The following ACOT7 variants were observed in gnomAD, a reference collection of about 807,000 sequenced individuals.
The protein encoded by ACOT7 is acyl-CoA thioesterase 7, also known as cytosolic acyl coenzyme A thioester hydrolase.
In ACOT7, 12 loss-of-function variants were observed where a neutral mutation model predicts 40.2. That is an observed-to-expected ratio of 0.30 (90% CI 0.19 to 0.48). The LOEUF (loss-of-function observed/expected upper bound fraction) is 0.48, where lower values mean the gene tolerates loss of function less well. ACOT7 is among the 20% of genes least tolerant of loss of function. The probability of loss-of-function intolerance (pLI) is 0.99; values close to 1 mark genes in which losing one functional copy is unlikely to be tolerated. For missense variants in ACOT7, 395 were observed against 530.8 expected, an observed-to-expected ratio of 0.74 and a Z score of 2.51; for synonymous variants, 228 against 219.5, an observed-to-expected ratio of 1.04 and a Z score of -0.34.
chr1:6,375,806 C>T (rs1160029433), intron 1 of ACOT7, among the ~76,000 whole-genome samples: 1 of 151,900 alleles, frequency 6.6e-6, no homozygotes, highest in Non-Finnish European at 1.5e-5. Context: ...GGCGTGGTGG[C>T]GGGCACCTGT....
chr1:6,366,068 G>C (rs55749476), intron 1 of ACOT7, among the ~76,000 whole-genome samples: 1 of 151,656 alleles, frequency 6.6e-6, no homozygotes, highest in Non-Finnish European at 1.5e-5. Context: ...CTAATTTTTT[G>C]TATTTTTAGT....
At chr1:6,283,429 TG>T (rs1352059278) in intron 7 of ACOT7, among the ~76,000 whole-genome samples, 2 of 152,160 alleles carry the variant, frequency 1.3e-5, no homozygotes, top group African/African-American at 4.8e-5. Flanking sequence ...CCCAAATTGC[TG>T]GGATTATAAT....
chr1:6,362,615 C>A (rs1176275083), intron 1 of ACOT7, among the ~76,000 whole-genome samples: 1 of 152,134 alleles, frequency 6.6e-6, no homozygotes, highest in East Asian at 1.9e-4. Flanking sequence ...AAGGAGAACT[C>A]CGCAACGACA....
At position 6,333,190 on chromosome 1, in the gene ACOT7, G is replaced by A. The variant is rs74804516; in HGVS notation, c.510+287C>T. ...ATGTCCACGGGTTCTGGGCCAGCTT[G>A]CGCTCACATTCCCAGCATGAATTAA... On this transcript the variant is annotated intron_variant, in intron 4 of 8. Coordinates refer to ENST00000361521, the MANE Select transcript of ACOT7 (RefSeq NM_007274.4). Among the ~76,000 whole-genome samples, 8,295 of 152,358 alleles carry A rather than the reference G, an allele frequency of 0.054. 268 individuals are homozygous for A. The highest frequency in any genetic ancestry group is 0.084 in the African/African-American group (3,481 of 41,574).
chr1:6,354,871 T>C (rs978181455), intron 1 of ACOT7, among the ~76,000 whole-genome samples: 2 of 147,604 alleles, frequency 1.4e-5, no homozygotes, highest in South Asian at 2.2e-4. Context: ...TCACCCCCCA[T>C]GGCCTCTGCA....
intron 8 of ACOT7, among the ~76,000 whole-genome samples, chr1:6,277,159 G>A (rs1249364273): frequency 6.6e-6 from 1 of 152,238 alleles, no homozygotes; most frequent in African/African-American, 2.4e-5. Flanking sequence ...GGAACGTGAG[G>A]CACAGAGGTC....
chr1:6,338,288 C>T lies in ACOT7; in HGVS notation c.418+1145G>A, dbSNP rs914052403. On this transcript the variant is annotated intron_variant, in intron 3 of 8. Transcript: ENST00000361521. The surrounding 1 kb of genome is among the most constrained non-coding windows in gnomAD (Gnocchi z 4.4). The stretch of plus-strand genomic sequence containing the variant: ...CAGTCGGAGAAGAGCTGCGATCTCA[C>T]AGGAGATGGCAGGGAACCCCCAAGG... Among the ~76,000 whole-genome samples, 1 of 152,208 alleles carries T rather than the reference C, an allele frequency of 6.6e-6. No individual in the cohort carries two copies. The highest frequency in any genetic ancestry group is 1.5e-5 in the Non-Finnish European group (1 of 68,028).
At chr1:6,346,578 T>C (rs1383306442) in intron 2 of ACOT7, among the ~76,000 whole-genome samples, 1 of 152,208 alleles carries the variant, frequency 6.6e-6, no homozygotes, top group African/African-American at 2.4e-5. Context: ...CAGGGACTCG[T>C]GCGGACGTGC....
chr1:6,265,993 G>A (rs956186284), intron 8 of ACOT7, among the ~76,000 whole-genome samples: 1 of 152,166 alleles, frequency 6.6e-6, no homozygotes, highest in African/African-American at 2.4e-5. Context: ...GTCACCAGGT[G>A]TAAACTGTCA....
At chr1:6,297,416 G>C (rs1041729615) in intron 6 of ACOT7, among the ~76,000 whole-genome samples, 3 of 152,194 alleles carry the variant, frequency 2.0e-5, no homozygotes, top group Non-Finnish European at 2.9e-5. Flanking sequence ...AACCAGACTT[G>C]TACAGTCACG....
intron 5 of ACOT7, among the ~76,000 whole-genome samples, chr1:6,324,578 C>T (rs980872290): frequency 2.0e-5 from 3 of 152,182 alleles, no homozygotes; most frequent in Non-Finnish European, 4.4e-5. Context: ...CCATGCTTCT[C>T]AAAGCCAGAG....
At chr1:6,315,312 G>A (rs990716871) in intron 6 of ACOT7, among the ~76,000 whole-genome samples, 4 of 152,248 alleles carry the variant, frequency 2.6e-5, no homozygotes, top group Non-Finnish European at 4.4e-5. Flanking sequence ...GTGAATTACA[G>A]TTTAGTGAAG....
intron 1 of ACOT7, among the ~76,000 whole-genome samples, chr1:6,382,957 C>A (rs989395132): frequency 6.6e-6 from 1 of 151,598 alleles, no homozygotes; most frequent in African/African-American, 2.4e-5. Context: ...TGGATCACTG[C>A]AACCTCCGCC....
intron 1 of ACOT7, among the ~76,000 whole-genome samples, chr1:6,356,780 G>A (rs950943803): frequency 3.3e-5 from 5 of 152,054 alleles, no homozygotes; most frequent in Non-Finnish European, 7.4e-5. Context: ...ATAGCTGGGC[G>A]TGGTGGCAGG....
At chr1:6,281,075 G>GCT (rs763543485) in intron 8 of ACOT7, 27 bp downstream of exon 8, 60 of 1,604,850 alleles carry the variant, frequency 3.7e-5, no homozygotes, top group Non-Finnish European at 1.6e-5. Flanking sequence ...GCAGGGAGGG[G>GCT]CCGCCGTTCC....
intron 3 of ACOT7, among the ~76,000 whole-genome samples, chr1:6,336,892 G>A (rs888756235): frequency 6.6e-6 from 1 of 152,210 alleles, no homozygotes; most frequent in Non-Finnish European, 1.5e-5. Flanking sequence ...GACAGAGGGG[G>A]AGATGAGACT....
intron 7 of ACOT7, among the ~76,000 whole-genome samples, chr1:6,283,201 T>C (rs540238749): frequency 6.6e-6 from 1 of 152,316 alleles, no homozygotes; most frequent in Admixed American, 6.5e-5. Flanking sequence ...TCTCGCTCTA[T>C]TGCCCAGGCT....
chr1:6,325,794 G>C (rs1207977046), intron 5 of ACOT7, among the ~76,000 whole-genome samples: 1 of 152,212 alleles, frequency 6.6e-6, no homozygotes, highest in East Asian at 1.9e-4. Context: ...GTTTTCACCA[G>C]TCCCCTTTGG....
At chr1:6,349,893 G>A (rs1641541448) in intron 1 of ACOT7, 27 bp from the exon 2 acceptor site, 4 of 1,605,462 alleles carry the variant, frequency 2.5e-6, no homozygotes, top group Non-Finnish European at 3.4e-6. Flanking sequence ...GCAGGATGAG[G>A]CCTCTGGAGA....
Sources: gnomAD v4.1 joint callset for allele counts (sites outside exome capture counted in the v4.1 genomes callset) on GRCh38, gnomAD v4.1.1 for gene constraint, Gnocchi (gnomAD v3.1) non-coding constraint, MANE v1.5 for transcripts, NCBI Gene and HGNC (gene_info 2026-07-23, HGNC 2026-07-21) for gene names.